HHAT: variants seen among roughly 807,000 people sequenced by gnomAD.
HHAT encodes the protein hedgehog acyltransferase.
A neutral mutation model predicts 70.8 loss-of-function variants in HHAT; 47 were observed. The ratio of observed to expected loss-of-function variants is 0.66; its 90% CI spans 0.53 to 0.85. The LOEUF is 0.85. HHAT is among the 40% of genes least tolerant of loss of function. HHAT has a pLI of 0.00. For missense variants in HHAT, 609 were observed against 604.8 expected (o/e 1.01, Z -0.07); for synonymous variants, 228 against 247.6 (o/e 0.92, Z 0.74).
Position 210,587,960 on chromosome 1 carries a change from C to A in HHAT, c.1106C>A (p.Ala369Glu). The A allele has an allele frequency of 6.2e-7, 1 of 1,614,104 alleles. No homozygotes were observed. The highest frequency in any genetic ancestry group is 8.5e-7 in the Non-Finnish European group (1 of 1,180,012). ...CTGCTGGGGACACTGTTTTCCACGG[C>A]GATGACATTTGCATTTGTGAGCTAC... is the stretch of plus-strand genomic sequence containing the variant. Reference protein sequence around the residue: ...HGLLGTLFSTAMTFAFVSYWH... With the variant: ...HGLLGTLFSTEMTFAFVSYWH... Residue 369 changes from alanine (A) to glutamate (E), a missense_variant, in exon 10 of 12, where the codon GCG becomes GAG. By Grantham distance (107) the Ala-to-Glu change is moderately radical. Coordinates refer to ENST00000261458, the MANE Select transcript of HHAT (RefSeq NM_018194.6).
intron 1 of HHAT, among the ~76,000 whole-genome samples, 170 bp from the exon 2 acceptor site, chr1:210,348,763 T>TGTGTGTGTGTGTGTG (rs1387038130): frequency 1.8e-5 from 1 of 55,822 alleles, no homozygotes; most frequent in African/African-American, 9.9e-5. Flanking sequence ...GTGTGTGTGT[T>TGTGTGTGTGTGTGTG]GGATGCAGGA....
chr1:210,380,013 G>C (rs1021166655), intron 3 of HHAT, among the ~76,000 whole-genome samples: 4 of 152,162 alleles, frequency 2.6e-5, no homozygotes, highest in African/African-American at 9.7e-5. Context: ...TTCTAGGGCA[G>C]ATACCGGATG....
At chr1:210,624,358 G>A (rs1312889212) in intron 11 of HHAT, among the ~76,000 whole-genome samples, 1 of 152,132 alleles carries the variant, frequency 6.6e-6, no homozygotes, top group African/African-American at 2.4e-5. Context: ...TACAGTTTTA[G>A]ATATTCTGTT....
intron 6 of HHAT, among the ~76,000 whole-genome samples, chr1:210,417,517 G>C (rs1354980824): frequency 1.3e-5 from 2 of 152,180 alleles, no homozygotes; most frequent in African/African-American, 2.4e-5. Context: ...TTCTAGGTGT[G>C]AGCCACCATG....
chr1:210,584,447 A>G (rs1659980284), intron 9 of HHAT, among the ~76,000 whole-genome samples: 1 of 152,182 alleles, frequency 6.6e-6, no homozygotes, highest in Non-Finnish European at 1.5e-5. Context: ...GGGCAGCCTC[A>G]TGATGGGCCA....
intron 3 of HHAT, among the ~76,000 whole-genome samples, chr1:210,366,690 G>C (rs1472124021): frequency 6.6e-6 from 1 of 152,130 alleles, no homozygotes; most frequent in African/African-American, 2.4e-5. Flanking sequence ...CCCCCAGGAG[G>C]CAAAAATCAT....
intron 1 of HHAT, among the ~76,000 whole-genome samples, chr1:210,346,638 G>A (rs1396549333): frequency 6.6e-6 from 1 of 152,228 alleles, no homozygotes; most frequent in African/African-American, 2.4e-5. Context: ...TGACTTTTAG[G>A]TAACGAAATG....
intron 9 of HHAT, among the ~76,000 whole-genome samples, chr1:210,516,738 A>T (rs956545789): frequency 2.3e-5 from 2 of 87,528 alleles, no homozygotes; most frequent in East Asian, 3.6e-4. Flanking sequence ...TGTTTGGCAT[A>T]AAAAAAAAAA....
At chr1:210,614,229 A>G (rs75600691) in intron 10 of HHAT, among the ~76,000 whole-genome samples, 12,017 of 152,092 alleles carry the variant, frequency 0.079, 1,594 homozygotes, top group African/African-American at 0.27. Context: ...CATTGTTAGT[A>G]CATAGAGATA....
intron 7 of HHAT, among the ~76,000 whole-genome samples, chr1:210,420,568 T>A (rs547137972): frequency 4.3e-4 from 66 of 152,180 alleles, no homozygotes; most frequent in Non-Finnish European, 7.5e-4. Context: ...AACGAGTTGA[T>A]GGGTTCAGCC....
chr1:210,327,789 G>T (rs968400789), upstream of HHAT, among the ~76,000 whole-genome samples: 1 of 152,188 alleles, frequency 6.6e-6, no homozygotes, highest in Non-Finnish European at 1.5e-5. Context: ...ACAGGCGTGG[G>T]CCACCGCGCC....
intron 9 of HHAT, among the ~76,000 whole-genome samples, chr1:210,553,842 C>T (rs2490213): frequency 0.78 from 118,947 of 151,940 alleles, 48,679 homozygotes; most frequent in Non-Finnish European, 0.92. Flanking sequence ...TTTGCTGGGC[C>T]GTGGCTCCAC....
At chr1:210,515,612 G>A (rs182452401) in intron 9 of HHAT, among the ~76,000 whole-genome samples, 1 of 151,904 alleles carries the variant, frequency 6.6e-6, no homozygotes, top group East Asian at 1.9e-4. Context: ...AAAAAAATTA[G>A]CCGGGCATGG....
intron 9 of HHAT, among the ~76,000 whole-genome samples, chr1:210,529,318 GAAAAAAA>G: frequency 8.4e-6 from 1 of 118,768 alleles, no homozygotes; most frequent in African/African-American, 3.3e-5. Context: ...AAAAACAAAG[GAAAAAAA>G]AAAAAAAAGA....
intron 10 of HHAT, among the ~76,000 whole-genome samples, chr1:210,621,564 A>G (rs1440593505): frequency 6.6e-6 from 1 of 152,204 alleles, no homozygotes; most frequent in African/African-American, 2.4e-5. Context: ...TCTGCTTTAG[A>G]ATGCAGAAAG....
At chr1:210,639,210 T>C (rs890088239) in intron 11 of HHAT, among the ~76,000 whole-genome samples, 2 of 152,118 alleles carry the variant, frequency 1.3e-5, no homozygotes, top group African/African-American at 4.8e-5. Flanking sequence ...TACCTTTCCT[T>C]CTGTCCTCCC....
intron 2 of HHAT, among the ~76,000 whole-genome samples, chr1:210,362,384 A>C (rs190584844): frequency 2.0e-5 from 3 of 152,020 alleles, no homozygotes; most frequent in Admixed American, 2.0e-4. Context: ...ATGCCACCAC[A>C]CCTGGCTAAT....
chr1:210,437,338 T>C (rs958564317), intron 7 of HHAT, among the ~76,000 whole-genome samples: 2 of 151,944 alleles, frequency 1.3e-5, no homozygotes, highest in African/African-American at 4.9e-5. Flanking sequence ...GTGACTAAGA[T>C]GGTCAGTATG....
intron 7 of HHAT, among the ~76,000 whole-genome samples, chr1:210,422,616 G>T (rs1033008740): frequency 6.6e-6 from 1 of 152,058 alleles, no homozygotes; most frequent in Non-Finnish European, 1.5e-5. Context: ...GGTATTCCAT[G>T]GTGTAAAAAT....
Sources: allele counts gnomAD v4.1 joint callset (sites outside exome capture counted in the v4.1 genomes callset), GRCh38; gene constraint gnomAD v4.1.1; transcripts MANE v1.5; gene names NCBI Gene and HGNC (gene_info 2026-07-23, HGNC 2026-07-21).